Variants in WDPCP observed in about 807,000 individuals in gnomAD.
WDPCP encodes the protein WD repeat-containing and planar cell polarity effector protein fritz homolog.
A neutral mutation model predicts 93.1 loss-of-function variants in WDPCP; 71 were observed. The ratio of observed to expected loss-of-function variants is 0.76; its 90% CI spans 0.63 to 0.93. WDPCP has a LOEUF of 0.93. Ranked by LOEUF, WDPCP falls within the 40% of genes least tolerant of loss-of-function variation. WDPCP has a pLI of 0.00. For missense variants in WDPCP, 844 were observed against 887.4 expected (o/e 0.95, Z 0.62); for synonymous variants, 315 against 315.0 (o/e 1.00, Z 0.00).
intron 11 of WDPCP, among the ~76,000 whole-genome samples, chr2:63,378,869 T>C (rs1049291929): frequency 3.0e-4 from 46 of 152,186 alleles, no homozygotes; most frequent in African/African-American, 1.1e-3. Context: ...TTACTGTCTT[T>C]GGCTAAAAGG....
chr2:63,339,734 T>C (rs746867676), intron 12 of WDPCP, among the ~76,000 whole-genome samples: 22 of 152,286 alleles, frequency 1.4e-4, no homozygotes, highest in Non-Finnish European at 2.6e-4. Flanking sequence ...TTATGTTGAA[T>C]AAAAGTGGTG....
chr2:63,363,508 C>T (rs750853805), intron 12 of WDPCP, among the ~76,000 whole-genome samples: 3 of 151,820 alleles, frequency 2.0e-5, no homozygotes, highest in African/African-American at 7.3e-5. Flanking sequence ...TAAGGTGGGA[C>T]GACTGATTGA....
chr2:63,710,055 C>T (rs1249651480), intron 2 of WDPCP, among the ~76,000 whole-genome samples: 1 of 152,174 alleles, frequency 6.6e-6, no homozygotes, highest in Non-Finnish European at 1.5e-5. Context: ...TAGGAAATTT[C>T]ATTAGGTAAC....
At position 63,414,149 on chromosome 2, in the gene WDPCP, A is replaced by C. The variant is rs149049553; in HGVS notation, c.826-9492T>G. Among the ~76,000 whole-genome samples the C allele has an allele frequency of 9.5e-3, 1,440 of 152,260 alleles. 15 individuals are homozygous for C. The highest frequency in any genetic ancestry group is 0.03 in the African/African-American group (1,227 of 41,548). On this transcript the variant is annotated intron_variant, in intron 9 of 17. Coordinates refer to ENST00000272321, the MANE Select transcript of WDPCP (RefSeq NM_015910.7). ...GCAATACCACTTTACTCCTTCAAGA[A>C]TGGCCATAATCAAAACATAAAAAAA...
intron 14 of WDPCP, among the ~76,000 whole-genome samples, chr2:63,241,919 G>A (rs1051651107): frequency 6.6e-6 from 1 of 152,024 alleles, no homozygotes; most frequent in Non-Finnish European, 1.5e-5. Flanking sequence ...GCCATTTTAG[G>A]AAGAAGATAA....
At chr2:63,429,834 G>A (rs1256347581) in intron 9 of WDPCP, among the ~76,000 whole-genome samples, 1 of 151,952 alleles carries the variant, frequency 6.6e-6, no homozygotes, top group East Asian at 1.9e-4. Context: ...CCTATTACTG[G>A]GTATACACTG....
At chr2:63,679,011 A>C (rs72806089) in intron 2 of WDPCP, among the ~76,000 whole-genome samples, 1 of 152,182 alleles carries the variant, frequency 6.6e-6, no homozygotes, top group South Asian at 2.1e-4. Flanking sequence ...ATTTTTGAAG[A>C]CCTAGCCTGG....
At chr2:63,536,409 A>G (rs899127151) in intron 1 of WDPCP, among the ~76,000 whole-genome samples, 2 of 152,198 alleles carry the variant, frequency 1.3e-5, no homozygotes, top group African/African-American at 4.8e-5. Flanking sequence ...ACACATGCAC[A>G]CGTATGTTTA....
rs545168795 is a variant in WDPCP, at chr2:63,120,620, G to A, written c.*1386C>T. ...CAGCTCACTGCAGCCTCCGCCCTCC[G>A]GGTTCACGCCATTCTCCTGCTTCAG... On this transcript the variant is annotated 3_prime_UTR_variant, in exon 18 of 18. Transcript: ENST00000272321. Among the ~76,000 whole-genome samples, 3 of 149,572 alleles carry A rather than the reference G, an allele frequency of 2.0e-5. No homozygotes were observed. The highest frequency in any genetic ancestry group is 4.9e-5 in the African/African-American group (2 of 40,632).
At chr2:63,258,637 T>C (rs1681345441) in intron 14 of WDPCP, among the ~76,000 whole-genome samples, 1 of 152,138 alleles carries the variant, frequency 6.6e-6, no homozygotes, top group Admixed American at 6.6e-5. Context: ...ACTTTAGGAA[T>C]AATAAATACT....
At chr2:63,625,081 A>G (rs530774936) in intron 3 of WDPCP, among the ~76,000 whole-genome samples, 2 of 152,348 alleles carry the variant, frequency 1.3e-5, no homozygotes, top group East Asian at 3.9e-4. Flanking sequence ...CAAAAACCAC[A>G]TGAATATCTC....
At chr2:63,602,345 GGGT>G (rs1709435574) in intron 3 of WDPCP, among the ~76,000 whole-genome samples, 1 of 87,616 alleles carries the variant, frequency 1.1e-5, no homozygotes, top group East Asian at 4.5e-4. Flanking sequence ...TGGTTGGTTG[GGGT>G]TTTTTTTTTT....
intron 1 of WDPCP, among the ~76,000 whole-genome samples, chr2:63,581,656 A>G (rs1347942138): frequency 6.6e-6 from 1 of 152,206 alleles, no homozygotes; most frequent in Non-Finnish European, 1.5e-5. Context: ...AATTAAACTA[A>G]TTTCAAATAA....
chr2:63,137,081 G>C (rs572861306), intron 17 of WDPCP, among the ~76,000 whole-genome samples: 4 of 152,114 alleles, frequency 2.6e-5, no homozygotes, highest in Non-Finnish European at 5.9e-5. Flanking sequence ...CTCAGTAATG[G>C]GATTGCTGGG....
At chr2:63,481,682 G>A (rs1700273015) in intron 6 of WDPCP, among the ~76,000 whole-genome samples, 1 of 151,850 alleles carries the variant, frequency 6.6e-6, no homozygotes, top group Non-Finnish European at 1.5e-5. Flanking sequence ...ATAAGTGGGA[G>A]TTTGATGTGA....
chr2:63,781,645 A>C (rs527708189), intron 2 of WDPCP, among the ~76,000 whole-genome samples: 1 of 152,282 alleles, frequency 6.6e-6, no homozygotes, highest in Admixed American at 6.5e-5. Flanking sequence ...GAAACGAAAC[A>C]ATCTGTGGGA....
chr2:63,592,546 A>G (rs1427485706), upstream of WDPCP, among the ~76,000 whole-genome samples: 2 of 152,140 alleles, frequency 1.3e-5, no homozygotes, highest in African/African-American at 2.4e-5. Flanking sequence ...GGGTTTCACT[A>G]TGTAGCCCAG....
At chr2:63,595,000 A>G (rs1709277795) in intron 3 of WDPCP, 2 of 269,536 alleles carry the variant, frequency 7.4e-6, no homozygotes, top group Admixed American at 1.0e-4. Context: ...CCTGATTAAT[A>G]TACACTAAAA....
chr2:63,604,878 A>G (rs1160245413), intron 3 of WDPCP: 14 of 1,613,698 alleles, frequency 8.7e-6, no homozygotes, highest in Non-Finnish European at 1.0e-5. Flanking sequence ...TCACGGTAAG[A>G]AAAATCTGTG....
Sources: gnomAD v4.1 joint callset for allele counts (sites outside exome capture counted in the v4.1 genomes callset) on GRCh38, gnomAD v4.1.1 for gene constraint, MANE v1.5 for transcripts, NCBI Gene and HGNC (gene_info 2026-07-23, HGNC 2026-07-21) for gene names.